The following IMMP2L variants were observed in gnomAD, a reference collection of about 807,000 sequenced individuals.
The protein encoded by IMMP2L is mitochondrial inner membrane protease subunit 2.
A neutral mutation model predicts 19.3 loss-of-function variants in IMMP2L; 18 were observed. The ratio of observed to expected loss-of-function variants is 0.93; its 90% CI spans 0.64 to 1.38. The LOEUF (loss-of-function observed/expected upper bound fraction) is 1.38, where lower values mean the gene tolerates loss of function less well. Among genes scored for constraint, IMMP2L ranks in the 40% most tolerant of loss-of-function variants. The pLI, the probability that IMMP2L is intolerant of heterozygous loss-of-function variation, is 0.00. For synonymous variants in IMMP2L, 76 were observed against 73.0 expected, an observed-to-expected ratio of 1.04 and a Z score of -0.21; for missense variants, 233 against 218.2, an observed-to-expected ratio of 1.07 and a Z score of -0.43.
intron 5 of IMMP2L, among the ~76,000 whole-genome samples, chr7:110,865,100 G>A (rs1463147140): frequency 6.6e-6 from 1 of 151,740 alleles, no homozygotes; most frequent in Non-Finnish European, 1.5e-5. Context: ...TTTAAAATTT[G>A]TATATTTAAA....
At chr7:111,201,103 T>G (rs1810053230) in intron 3 of IMMP2L, among the ~76,000 whole-genome samples, 1 of 152,180 alleles carries the variant, frequency 6.6e-6, no homozygotes, top group Admixed American at 6.5e-5. Flanking sequence ...AATTCTTATC[T>G]GTTCTAAGAA....
intron 5 of IMMP2L, among the ~76,000 whole-genome samples, chr7:110,681,769 G>A (rs1289105805): frequency 6.6e-6 from 1 of 152,080 alleles, no homozygotes; most frequent in Non-Finnish European, 1.5e-5. Context: ...CTTGACCCAT[G>A]CAATGTGTTT....
intron 1 of IMMP2L, among the ~76,000 whole-genome samples, chr7:111,553,313 G>T (rs1790892291): frequency 6.6e-6 from 1 of 152,056 alleles, no homozygotes; most frequent in Admixed American, 6.6e-5. Context: ...CTAAAATAAG[G>T]TATAATACTG....
rs1369747240 is a variant in IMMP2L at position 111,428,857 on chromosome 7, T to C, written c.239+58381A>G. Among the ~76,000 whole-genome samples the C allele has an allele frequency of 2.6e-5, 4 of 151,898 alleles. 1 individual carries two copies. The highest frequency in any genetic ancestry group is 9.7e-5 in the African/African-American group (4 of 41,194). ...AGTTGCCGTGAATCATTCTTTCATT[T>C]TCCATAAGTACTTACAAAGCTCCAT... On this transcript the variant is annotated intron_variant, in intron 3 of 5. Transcript: ENST00000405709.
chr7:111,545,212 T>C (rs572250483), intron 1 of IMMP2L, among the ~76,000 whole-genome samples: 88 of 152,150 alleles, frequency 5.8e-4, no homozygotes, highest in Non-Finnish European at 1.1e-3. Flanking sequence ...AAAAACTCCA[T>C]AGCAGTCATC....
intron 5 of IMMP2L, among the ~76,000 whole-genome samples, chr7:110,826,947 A>G (rs913321602): frequency 2.6e-5 from 4 of 151,998 alleles, no homozygotes; most frequent in African/African-American, 9.7e-5. Flanking sequence ...TTCTCATGAC[A>G]GTATATGATG....
intron 3 of IMMP2L, among the ~76,000 whole-genome samples, chr7:111,307,500 A>G (rs1823008958): frequency 6.6e-6 from 1 of 151,840 alleles, no homozygotes; most frequent in Non-Finnish European, 1.5e-5. Context: ...GCAGTAGGTA[A>G]AAATATAGAA....
intron 3 of IMMP2L, among the ~76,000 whole-genome samples, chr7:111,208,146 A>G (rs1392541650): frequency 6.6e-6 from 1 of 152,064 alleles, no homozygotes; most frequent in African/African-American, 2.4e-5. Context: ...TGCTTGTATT[A>G]CTCAGGTTTG....
chr7:110,839,996 C>T (rs1040414491), intron 5 of IMMP2L, among the ~76,000 whole-genome samples: 1 of 151,418 alleles, frequency 6.6e-6, no homozygotes, highest in African/African-American at 2.5e-5. Flanking sequence ...TCTCTAGTGT[C>T]TGGCTTTTGT....
In IMMP2L at chr7:111,197,955, G is replaced by A. The variant is rs138878310; in HGVS notation, c.240-234390C>T. Among the ~76,000 whole-genome samples the A allele has an allele frequency of 6.2e-4, 94 of 152,108 alleles. No homozygotes were observed. The East Asian group carries it at 0.015, about 24-fold the overall frequency. On this transcript the variant is annotated intron_variant, in intron 3 of 5. Transcript: ENST00000405709. ...AGTAAGCAACAATAACAAAGAAGGA[G>A]GAAAAAACATTGACTAAATATAATT...
At chr7:111,387,536 A>T (rs1418270438) in intron 3 of IMMP2L, among the ~76,000 whole-genome samples, 1 of 152,204 alleles carries the variant, frequency 6.6e-6, no homozygotes, top group Non-Finnish European at 1.5e-5. Flanking sequence ...ACCTGCCTTA[A>T]CAATATAGAT....
intron 4 of IMMP2L, among the ~76,000 whole-genome samples, chr7:110,899,040 T>A (rs1480219341): frequency 6.6e-6 from 1 of 152,126 alleles, no homozygotes; most frequent in East Asian, 1.9e-4. Flanking sequence ...ATAGAGCTTG[T>A]AATTTTATTT....
At chr7:110,699,958 G>T (rs796438180) in intron 5 of IMMP2L, among the ~76,000 whole-genome samples, 1 of 152,158 alleles carries the variant, frequency 6.6e-6, no homozygotes, top group South Asian at 2.1e-4. Flanking sequence ...AAAAGCCAGG[G>T]CCCTCTCTTA....
At position 111,545,139 on chromosome 7, in the gene IMMP2L, AT is replaced by A. The variant is rs78157378; in HGVS notation, c.-3+16711del. Reference sequence around the variant, plus strand: ...AAAACTAGTACAATTATATTTTTAAATATTAATTTTTTTTAAAAAAGAGAAA... The same window carrying A: ...AAAACTAGTACAATTATATTTTTAAAATTAATTTTTTTTAAAAAAGAGAAA... On this transcript the variant is annotated intron_variant, in intron 1 of 5. Coordinates refer to ENST00000405709, the MANE Select transcript of IMMP2L (RefSeq NM_032549.4). Among the ~76,000 whole-genome samples the A allele has an allele frequency of 0.013, 1,914 of 152,218 alleles. 76 individuals carry two copies. The South Asian group carries it at 0.15, about 12-fold the overall frequency.
intron 3 of IMMP2L, among the ~76,000 whole-genome samples, chr7:111,451,400 A>C (rs1466216546): frequency 6.0e-5 from 9 of 150,566 alleles, no homozygotes; most frequent in Non-Finnish European, 1.3e-4. Flanking sequence ...TGATGAGTTC[A>C]TGTCCTTTGT....
At chr7:110,850,102 A>G (rs1806048885) in intron 5 of IMMP2L, among the ~76,000 whole-genome samples, 1 of 152,094 alleles carries the variant, frequency 6.6e-6, no homozygotes, top group Non-Finnish European at 1.5e-5. Context: ...GAAAACTACT[A>G]AAGTCAGAAA....
intron 3 of IMMP2L, among the ~76,000 whole-genome samples, chr7:111,308,012 C>T (rs1484597322): frequency 6.6e-6 from 1 of 151,858 alleles, no homozygotes; most frequent in Non-Finnish European, 1.5e-5. Context: ...GAGATTTTCA[C>T]AAACTAAAAC....
chr7:110,951,500 T>A (rs1817828201), intron 4 of IMMP2L, among the ~76,000 whole-genome samples: 1 of 152,010 alleles, frequency 6.6e-6, no homozygotes, highest in African/African-American at 2.4e-5. Flanking sequence ...ATGTTCATTG[T>A]GTGTTAAAGC....
chr7:111,453,664 G>A (rs1028300205), intron 3 of IMMP2L, among the ~76,000 whole-genome samples: 1 of 152,128 alleles, frequency 6.6e-6, no homozygotes, highest in Non-Finnish European at 1.5e-5. Context: ...TGACAGGAAA[G>A]TAAAAAGACT....
Sources: gnomAD v4.1 joint callset for allele counts (sites outside exome capture counted in the v4.1 genomes callset) on GRCh38, gnomAD v4.1.1 for gene constraint, MANE v1.5 for transcripts, NCBI Gene and HGNC (gene_info 2026-07-23, HGNC 2026-07-21) for gene names.